The following TLN2 variants were observed in gnomAD, a reference collection of about 807,000 sequenced individuals.
The protein encoded by TLN2 is talin 2, also known as talin-2.
In TLN2, 118 loss-of-function variants were observed where a neutral mutation model predicts 294.7. The ratio of observed to expected loss-of-function variants is 0.40; its 90% CI spans 0.34 to 0.47. TLN2 has a LOEUF of 0.47. Ranked by LOEUF, TLN2 falls within the 20% of genes least tolerant of loss-of-function variation. The pLI is 0.84. For missense variants in TLN2, 3,083 were observed against 3,282.2 expected, an observed-to-expected ratio of 0.94 and a Z score of 1.48; for synonymous variants, 1,431 against 1,304.5, an observed-to-expected ratio of 1.10 and a Z score of -2.09.
chr15:62,829,841 G>C (rs2068606654), intron 54 of TLN2: 1 of 152,046 alleles, frequency 6.6e-6, no homozygotes, highest in South Asian at 2.1e-4. Flanking sequence ...ATGTCCATGA[G>C]TTCAATTGTT....
chr15:62,621,241 T>C (rs1018178026), intron 3 of TLN2, among the ~76,000 whole-genome samples: 4 of 152,104 alleles, frequency 2.6e-5, no homozygotes, highest in Admixed American at 2.6e-4. Flanking sequence ...AGGATTCAGG[T>C]TAGAGCATCA....
chr15:62,652,333 C>T (rs548559182), intron 6 of TLN2, among the ~76,000 whole-genome samples, 199 bp downstream of exon 6: 4 of 152,264 alleles, frequency 2.6e-5, no homozygotes, highest in South Asian at 2.1e-4. Flanking sequence ...TAAGTCACAA[C>T]GGAGGGCTTT....
chr15:62,427,284 G>A (rs1407755834), intron 1 of TLN2, among the ~76,000 whole-genome samples: 1 of 152,210 alleles, frequency 6.6e-6, no homozygotes, highest in Non-Finnish European at 1.5e-5. Flanking sequence ...TGGGAACTGT[G>A]GGAGTAGTTT....
rs1027607294 is a variant in TLN2, at chr15:62,504,081, C to G, written c.-237-85606C>G. Among the ~76,000 whole-genome samples the G allele has an allele frequency of 9.2e-5, 14 of 152,286 alleles. 1 individual carries two copies. The highest frequency in any genetic ancestry group is 2.0e-4 in the Admixed American group (3 of 15,298). On this transcript the variant is annotated intron_variant, in intron 1 of 58. Transcript: ENST00000636159. ...CTGTGTAAAATTGTAAATTATTTTG[C>G]AGAGATTTGCTGTTTTCCAGCAACT...
intron 54 of TLN2, among the ~76,000 whole-genome samples, chr15:62,824,461 A>G (rs1211087917): frequency 2.6e-5 from 4 of 152,240 alleles, no homozygotes; most frequent in African/African-American, 4.8e-5. Flanking sequence ...TTCAAGGAGC[A>G]CAGATCAGTT....
At chr15:62,531,736 T>C (rs114206013) in intron 1 of TLN2, among the ~76,000 whole-genome samples, 1,648 of 152,356 alleles carry the variant, frequency 0.011, 34 homozygotes, top group African/African-American at 0.038. Flanking sequence ...TCTTGTCTTA[T>C]GTGGCTTCTA....
In TLN2 at chr15:62,813,487, C is replaced by T. The variant is rs758589157; in HGVS notation, c.6771+3455C>T. On this transcript the variant is annotated intron_variant, in intron 52 of 58. Coordinates refer to ENST00000636159, the MANE Select transcript of TLN2 (RefSeq NM_015059.3). ...GAAACAGAATCCATCTCATCTTTTG[C>T]GATAAGGATTTTTCCCCCTTGAGAC... 6.6e-5 allele frequency among the ~76,000 whole-genome samples: 10 copies of T among 152,034 alleles called. 1 individual carries two copies. The South Asian group carries it at 1.2e-3, about 19-fold the overall frequency.
chr15:62,797,610 C>T (rs1316307848), intron 48 of TLN2, among the ~76,000 whole-genome samples: 6 of 152,056 alleles, frequency 3.9e-5, no homozygotes, highest in South Asian at 4.2e-4. Context: ...TGGAGACAAG[C>T]GGAGGGATTT....
chr15:62,587,120 G>C (rs1006547541), intron 1 of TLN2, among the ~76,000 whole-genome samples: 1 of 152,190 alleles, frequency 6.6e-6, no homozygotes, highest in South Asian at 2.1e-4. Context: ...ATGACCCTCG[G>C]AAATGAATGG....
At chr15:62,555,457 T>C (rs1398132409) in intron 1 of TLN2, among the ~76,000 whole-genome samples, 2 of 152,220 alleles carry the variant, frequency 1.3e-5, no homozygotes, top group Non-Finnish European at 2.9e-5. Context: ...GTGTCCCTCC[T>C]CAGAAGATCC....
At chr15:62,403,011 G>A (rs2033139543) in intron 1 of TLN2, among the ~76,000 whole-genome samples, 1 of 152,106 alleles carries the variant, frequency 6.6e-6, no homozygotes, top group Admixed American at 6.5e-5. Context: ...AGGCTGAGGT[G>A]GGCGGATCAC....
At chr15:62,757,480 G>A (rs915063532) in intron 37 of TLN2, among the ~76,000 whole-genome samples, 28 of 152,174 alleles carry the variant, frequency 1.8e-4, no homozygotes, top group Non-Finnish European at 3.7e-4. Flanking sequence ...TGGACCAACG[G>A]AGTAAAAACA....
intron 1 of TLN2, among the ~76,000 whole-genome samples, chr15:62,420,645 A>T (rs888202778): frequency 6.6e-6 from 1 of 152,238 alleles, no homozygotes; most frequent in African/African-American, 2.4e-5. Context: ...GTTAAATATT[A>T]AAAGCCAGTG....
Position 62,717,722 on chromosome 15 carries a change from C to T in TLN2, c.2877+33C>T, listed in dbSNP as rs775433025. The T allele has an allele frequency of 1.2e-5, 17 of 1,458,666 alleles. No homozygotes were observed. The East Asian group carries it at 2.2e-4, about 19-fold the overall frequency. 90.4% of individuals were successfully genotyped at this position (1,458,666 alleles called of 1,614,324 possible). On this transcript the variant is annotated intron_variant, in intron 24 of 58. Transcript: ENST00000636159. Reference sequence around the variant, plus strand: ...TCCAGTGCACAGAGAGCCAGGTCAGCTGCAGATGACCCTGATAACATTAGA... The same window carrying T: ...TCCAGTGCACAGAGAGCCAGGTCAGTTGCAGATGACCCTGATAACATTAGA...
chr15:62,514,127 C>T (rs544265164), intron 1 of TLN2, among the ~76,000 whole-genome samples: 1 of 152,104 alleles, frequency 6.6e-6, no homozygotes, highest in Non-Finnish European at 1.5e-5. Context: ...CTTTGGTCAC[C>T]AGTTGCTTGT....
At chr15:62,647,953 C>A (rs916835501) in intron 4 of TLN2, among the ~76,000 whole-genome samples, 7 of 152,118 alleles carry the variant, frequency 4.6e-5, no homozygotes, top group Non-Finnish European at 1.0e-4. Context: ...AATCACTCAT[C>A]CCCGTTAATC....
intron 2 of TLN2, among the ~76,000 whole-genome samples, chr15:62,590,812 C>T (rs1187798788): frequency 1.3e-5 from 2 of 152,160 alleles, no homozygotes; most frequent in African/African-American, 2.4e-5. Flanking sequence ...TATCATGGCA[C>T]ACCCAGATGT....
intron 1 of TLN2, among the ~76,000 whole-genome samples, chr15:62,538,975 G>T (rs1374948142): frequency 3.3e-5 from 5 of 152,160 alleles, no homozygotes; most frequent in African/African-American, 1.2e-4. Context: ...AGATCTTAAA[G>T]TATAGTAGCT....
intron 1 of TLN2, among the ~76,000 whole-genome samples, chr15:62,425,086 G>T (rs2034632732): frequency 6.6e-6 from 1 of 150,704 alleles, no homozygotes; most frequent in African/African-American, 2.4e-5. Flanking sequence ...CTGAGTAGCT[G>T]GGACCACAGG....
Sources: allele counts gnomAD v4.1 joint callset (sites outside exome capture counted in the v4.1 genomes callset), GRCh38; gene constraint gnomAD v4.1.1; transcripts MANE v1.5; gene names NCBI Gene and HGNC (gene_info 2026-07-23, HGNC 2026-07-21).